UNC5D: variants seen among roughly 807,000 people sequenced by gnomAD.
UNC5D encodes unc-5 netrin receptor D.
In UNC5D, 39 loss-of-function variants were observed where a neutral mutation model predicts 105.4. The ratio of observed to expected loss-of-function variants is 0.37; its 90% CI spans 0.29 to 0.48. The LOEUF is 0.48. UNC5D is among the 20% of genes least tolerant of loss of function. The probability of loss-of-function intolerance (pLI) is 0.98; values close to 1 mark genes in which losing one functional copy is unlikely to be tolerated. For synonymous variants in UNC5D, 452 were observed against 450.4 expected (o/e 1.00, Z -0.04); for missense variants, 991 against 1,202.4 (o/e 0.82, Z 2.60).
At chr8:35,431,338 C>A (rs531491834) in intron 1 of UNC5D, among the ~76,000 whole-genome samples, 15 of 152,216 alleles carry the variant, frequency 9.9e-5, no homozygotes, top group Admixed American at 2.0e-4. Context: ...TTGAAGAATG[C>A]ATAATTTTAC....
Position 35,491,131 on chromosome 8 carries a change from C to T in UNC5D, c.104-58161C>T, listed in dbSNP as rs1393299967. On this transcript the variant is annotated intron_variant, in intron 1 of 16. Transcript: ENST00000404895. ...AGGGTTTACCATTGTTTTTTATTTG[C>T]TTGTTTATATTCAGGTAATTGGGGC... Among the ~76,000 whole-genome samples the T allele has an allele frequency of 5.3e-5, 8 of 151,870 alleles. No individual in the cohort carries two copies. The East Asian group carries it at 1.5e-3, about 29-fold the overall frequency.
intron 1 of UNC5D, among the ~76,000 whole-genome samples, chr8:35,509,108 G>T (rs193279711): frequency 1.9e-4 from 29 of 152,194 alleles, no homozygotes; most frequent in Non-Finnish European, 2.9e-4. Flanking sequence ...GTGTGCCCGG[G>T]GGGCCAAGTG....
chr8:35,545,865 A>G (rs1042317140), intron 1 of UNC5D, among the ~76,000 whole-genome samples: 1 of 151,100 alleles, frequency 6.6e-6, no homozygotes, highest in African/African-American at 2.4e-5. Context: ...CCTTTTTCTC[A>G]TCCTCTGAAC....
At chr8:35,722,597 C>G (rs931243043) in intron 9 of UNC5D, among the ~76,000 whole-genome samples, 9 of 152,130 alleles carry the variant, frequency 5.9e-5, no homozygotes, top group Non-Finnish European at 1.3e-4. Context: ...AAGAGGATCT[C>G]GGTTTATTAT....
chr8:35,714,460 G>A (rs1828136733), intron 8 of UNC5D, among the ~76,000 whole-genome samples: 1 of 152,244 alleles, frequency 6.6e-6, no homozygotes, highest in Non-Finnish European at 1.5e-5. Context: ...GAAATCGTTG[G>A]CACTGTCTGT....
At chr8:35,728,095 A>AAAAAAAAAAAATATATATAT (rs34672872) in intron 10 of UNC5D, among the ~76,000 whole-genome samples, 2 of 110,364 alleles carry the variant, frequency 1.8e-5, no homozygotes, top group African/African-American at 1.1e-4. Flanking sequence ...AAAAAAAAAA[A>AAAAAAAAAAAATATATATAT]ATATATATAT....
intron 1 of UNC5D, among the ~76,000 whole-genome samples, chr8:35,410,012 T>G (rs988331881): frequency 2.0e-5 from 3 of 151,258 alleles, no homozygotes; most frequent in African/African-American, 7.3e-5. Context: ...TTCCTTCGCA[T>G]GGCCTCCTCA....
intron 4 of UNC5D, among the ~76,000 whole-genome samples, chr8:35,637,146 A>T (rs1460626802): frequency 1.3e-5 from 2 of 152,130 alleles, no homozygotes; most frequent in Non-Finnish European, 2.9e-5. Context: ...GTGGTTCCTA[A>T]TTATTAGCAC....
In UNC5D at chr8:35,473,612, A is replaced by G. The variant is rs182447994; in HGVS notation, c.104-75680A>G. ...AGCACATCTAATCATTCACCTTGTTAAGTCAGTGTTCTCAACTGAGGGAAC... is the reference window on the plus strand; with the variant it reads ...AGCACATCTAATCATTCACCTTGTTGAGTCAGTGTTCTCAACTGAGGGAAC... On this transcript the variant is annotated intron_variant, in intron 1 of 16. Transcript: ENST00000404895. Among the ~76,000 whole-genome samples, 623 of 152,336 alleles carry G rather than the reference A, an allele frequency of 4.1e-3. 3 individuals carry two copies. The highest frequency in any genetic ancestry group is 6.0e-3 in the Non-Finnish European group (407 of 68,034).
intron 8 of UNC5D, among the ~76,000 whole-genome samples, chr8:35,717,074 T>C (rs1485559917): frequency 6.6e-6 from 1 of 152,242 alleles, no homozygotes; most frequent in Non-Finnish European, 1.5e-5. Flanking sequence ...GGATGTGCTG[T>C]ATTTACTGTA....
intron 1 of UNC5D, among the ~76,000 whole-genome samples, chr8:35,380,093 G>GC (rs1321447796): frequency 9.7e-6 from 1 of 102,734 alleles, no homozygotes; most frequent in Non-Finnish European, 2.0e-5. Context: ...GGGGTGGGGG[G>GC]GGGGTCGGGG....
At chr8:35,468,276 A>G (rs949547791) in intron 1 of UNC5D, among the ~76,000 whole-genome samples, 24 of 152,320 alleles carry the variant, frequency 1.6e-4, no homozygotes, top group African/African-American at 5.0e-4. Context: ...ACCACTCCCA[A>G]GGACAGAGAT....
Position 35,305,920 on chromosome 8 carries a change from T to C in UNC5D, c.103+70033T>C, listed in dbSNP as rs905180928. 2.8e-5 allele frequency among the ~76,000 whole-genome samples: 4 copies of C among 145,082 alleles called. No homozygotes were observed. In the East Asian group the frequency reaches 8.3e-4, roughly 30 times the overall value. On this transcript the variant is annotated intron_variant, in intron 1 of 16. Coordinates refer to ENST00000404895, the MANE Select transcript of UNC5D (RefSeq NM_080872.4). ...CTCTCTTTCTTTTTCTTTCATTCTT[T>C]TCTCTCTCTCTCTCTCTGATGTTTT...
chr8:35,321,246 C>T (rs774494948), intron 1 of UNC5D, among the ~76,000 whole-genome samples: 8 of 152,148 alleles, frequency 5.3e-5, no homozygotes, highest in Non-Finnish European at 1.0e-4. Flanking sequence ...TCTGTAAGCT[C>T]ATTTAGGACC....
chr8:35,325,784 G>A (rs984234428), intron 1 of UNC5D, among the ~76,000 whole-genome samples: 3 of 152,134 alleles, frequency 2.0e-5, no homozygotes, highest in African/African-American at 7.2e-5. Flanking sequence ...AGGGGGAATG[G>A]AAAAGGATGG....
At chr8:35,749,802 C>T (rs1252655942) in intron 12 of UNC5D, among the ~76,000 whole-genome samples, 2 of 152,128 alleles carry the variant, frequency 1.3e-5, no homozygotes, top group African/African-American at 4.8e-5. Flanking sequence ...TATATTTATG[C>T]TCTATCAAAC....
intron 8 of UNC5D, among the ~76,000 whole-genome samples, chr8:35,708,060 T>A (rs1173767950): frequency 6.6e-6 from 1 of 152,156 alleles, no homozygotes; most frequent in Admixed American, 6.5e-5. Context: ...TGAGACTACA[T>A]GAATCATCAC....
At chr8:35,582,428 C>T (rs760298245) in intron 3 of UNC5D, among the ~76,000 whole-genome samples, 2 of 152,028 alleles carry the variant, frequency 1.3e-5, no homozygotes, top group Non-Finnish European at 2.9e-5. Flanking sequence ...AAACTTTGAG[C>T]GAAAGTGGTT....
chr8:35,266,513 C>T (rs1804882928), intron 1 of UNC5D, among the ~76,000 whole-genome samples: 1 of 152,160 alleles, frequency 6.6e-6, no homozygotes, highest in Admixed American at 6.5e-5. Flanking sequence ...GATTATATTT[C>T]AGTTGTGAAG....
Sources: gnomAD v4.1 joint callset for allele counts (sites outside exome capture counted in the v4.1 genomes callset) on GRCh38, gnomAD v4.1.1 for gene constraint, MANE v1.5 for transcripts, NCBI Gene and HGNC (gene_info 2026-07-23, HGNC 2026-07-21) for gene names.